GSS: variants seen among roughly 807,000 people sequenced by gnomAD.
GSS encodes the protein GSH synthetase.
GSS carries 34 observed loss-of-function variants against 60.4 expected under a neutral mutation model. The observed-to-expected ratio is 0.56, with a 90% CI of 0.43 to 0.75. The LOEUF (loss-of-function observed/expected upper bound fraction) is 0.75. Ranked by LOEUF, GSS falls within the 30% of genes least tolerant of loss-of-function variation. The pLI, the probability that GSS is intolerant of heterozygous loss-of-function variation, is 0.00. For synonymous variants in GSS, 224 were observed against 239.0 expected, an observed-to-expected ratio of 0.94 and a Z score of 0.58; for missense variants, 499 against 595.1, an observed-to-expected ratio of 0.84 and a Z score of 1.68.
Position 34,928,555 on chromosome 20 carries a change from T to C in GSS, c.*273A>G. ...CACTGGAACCTGCTGAAAAGGCTGA[T>C]GAGGGGCTGACAGGAGTGGGGCAGG... On this transcript the variant is annotated 3_prime_UTR_variant, in exon 13 of 13. Coordinates refer to ENST00000651619, the MANE Select transcript of GSS (RefSeq NM_000178.4). 1 of 533,242 alleles carries C rather than the reference T, an allele frequency of 1.9e-6. No individual in the cohort carries two copies. The highest frequency in any genetic ancestry group is 3.4e-6 in the Non-Finnish European group (1 of 294,876). 33.0% of individuals were successfully genotyped at this position (533,242 alleles called of 1,614,324 possible).
At chr20:34,930,701 T>G (rs1415547170) in intron 11 of GSS, among the ~76,000 whole-genome samples, 1 of 152,166 alleles carries the variant, frequency 6.6e-6, no homozygotes, top group Admixed American at 6.5e-5. Flanking sequence ...GGCTTAAAAC[T>G]CCCTAATGGC....
rs1381328801 is a variant in GSS, at chr20:34,936,845, G to A, written c.690-5C>T. On this transcript the variant is annotated splice_region_variant and splice_polypyrimidine_tract_variant and intron_variant, in intron 7 of 12. Transcript: ENST00000651619. ...CGTCGGATCACATGGATGTTCCTGG[G>A]AAAAATGGGCAAGAGCCAGAGGGAA... The A allele has an allele frequency of 1.2e-6, 2 of 1,613,880 alleles. No individual in the cohort carries two copies. Among genetic ancestry groups the A allele is most frequent in the East Asian group, 4.5e-5 (2 of 44,884 alleles).
In GSS at chr20:34,935,589, T is replaced by C; in HGVS notation, c.821A>G (p.Gln274Arg). ...VYFRDGYMPR[Q>R]YSLQNWEARL... The stretch of plus-strand genomic sequence containing the variant: ...GAAAATACCAACCTGTAGACTGTAC[T>C]GACGAGGCATGTAGCCATCCCGGAA... Residue 274 changes from glutamine to arginine, a missense_variant, in exon 9 of 13, where the codon CAG becomes CGG. Physicochemically the swap from Gln to Arg is conservative, Grantham distance 43. Transcript: ENST00000651619. 1 of 1,612,444 alleles carries C rather than the reference T, an allele frequency of 6.2e-7. No homozygotes were observed. The highest frequency in any genetic ancestry group is 1.1e-5 in the South Asian group (1 of 91,056).
At chr20:34,937,171 C>T (rs1193002755) in intron 6 of GSS, 148 bp from the exon 7 acceptor site, 1 of 684,722 alleles carries the variant, frequency 1.5e-6, no homozygotes. Context: ...TCTCAGGAAC[C>T]TTGAGATTAC....
chr20:34,940,654 T>C (rs1272648257), intron 6 of GSS, among the ~76,000 whole-genome samples: 1 of 152,220 alleles, frequency 6.6e-6, no homozygotes, highest in Non-Finnish European at 1.5e-5. Context: ...AATGAGATCC[T>C]GTATGTACAG....
chr20:34,938,693 A>C (rs1468628884), intron 6 of GSS, among the ~76,000 whole-genome samples: 3 of 152,220 alleles, frequency 2.0e-5, no homozygotes, highest in Admixed American at 6.5e-5. Flanking sequence ...TAATTAAGTC[A>C]GCCTGCCAAC....
intron 6 of GSS, among the ~76,000 whole-genome samples, chr20:34,938,675 G>A (rs541074414): frequency 6.6e-6 from 1 of 152,320 alleles, no homozygotes; most frequent in South Asian, 2.1e-4. Flanking sequence ...GGAACTGCAC[G>A]CCCCAGCTAA....
intron 6 of GSS, 67 bp from the exon 7 acceptor site, chr20:34,937,090 AC>A: frequency 1.9e-6 from 2 of 1,054,120 alleles, no homozygotes; most frequent in African/African-American, 1.6e-5. Context: ...TCTCCCCTCA[AC>A]CCCCATACCG....
intron 1 of GSS, among the ~76,000 whole-genome samples, chr20:34,953,047 A>G (rs897615436): frequency 3.3e-5 from 5 of 152,238 alleles, no homozygotes; most frequent in East Asian, 1.9e-4. Context: ...CAAGTGTCCA[A>G]TGTAATAGGA....
In GSS at chr20:34,942,810, G is replaced by A. The variant is rs2081494753; in HGVS notation, c.351+121C>T. The A allele has an allele frequency of 1.1e-5, 10 of 910,544 alleles. No homozygotes were observed. The South Asian group carries it at 1.3e-4, about 11-fold the overall frequency. 56.4% of individuals were successfully genotyped at this position (910,544 alleles called of 1,614,324 possible). ...TGGTCACTGGGATAAACCCAGTGAGGACCAGTGAGAGGCAGATTCCCATGA... is the reference window on the plus strand; with the variant it reads ...TGGTCACTGGGATAAACCCAGTGAGAACCAGTGAGAGGCAGATTCCCATGA... On this transcript the variant is annotated intron_variant, in intron 4 of 12. Transcript: ENST00000651619.
intron 6 of GSS, among the ~76,000 whole-genome samples, chr20:34,938,672 C>G (rs1405773613): frequency 6.6e-6 from 1 of 152,212 alleles, no homozygotes; most frequent in Admixed American, 6.5e-5. Flanking sequence ...AGAGGAACTG[C>G]ACGCCCCAGC....
chr20:34,942,632 G>A lies in GSS; in HGVS notation c.352-5C>T, dbSNP rs368142457. ...ATTCAGGCCCAGGAACACAGTCTGTGGGGAAAACTGAAGGCTGACAGTACC... is the reference window on the plus strand; with the variant it reads ...ATTCAGGCCCAGGAACACAGTCTGTAGGGAAAACTGAAGGCTGACAGTACC... On this transcript the variant is annotated splice_region_variant and splice_polypyrimidine_tract_variant and intron_variant, in intron 4 of 12. Coordinates refer to ENST00000651619, the MANE Select transcript of GSS (RefSeq NM_000178.4). 3 of 1,613,832 alleles carry A rather than the reference G, an allele frequency of 1.9e-6. No homozygotes were observed. Among genetic ancestry groups the A allele is most frequent in the African/African-American group, 2.7e-5 (2 of 74,908 alleles).
rs759380269 is a variant in GSS, at chr20:34,951,781, GTCCACGGCCTGCCGTGCCAGC to G, written c.51_71del (p.Glu17_Val23del). The G allele has an allele frequency of 1.2e-6, 2 of 1,613,830 alleles. No individual in the cohort carries two copies. The highest frequency in any genetic ancestry group is 2.7e-5 in the African/African-American group (2 of 74,920). ...GCAATACTCCCTCAGCCAGGGCCCGGTCCACGGCCTGCCGTGCCAGCTCCTCTAGCTGCTGTTTATCCTGCA... is the reference window on the plus strand; with the variant it reads ...GCAATACTCCCTCAGCCAGGGCCCGGTCCTCTAGCTGCTGTTTATCCTGCA... On this transcript the variant is annotated inframe_deletion, in exon 2 of 13. Transcript: ENST00000651619.
chr20:34,936,460 A>AG (rs1383681135), intron 8 of GSS, among the ~76,000 whole-genome samples: 2 of 152,172 alleles, frequency 1.3e-5, no homozygotes, highest in African/African-American at 4.8e-5. Flanking sequence ...CTGACTGCCC[A>AG]GCTCAGCTTC....
intron 2 of GSS, among the ~76,000 whole-genome samples, chr20:34,948,536 A>C (rs955241639): frequency 5.3e-5 from 8 of 152,208 alleles, no homozygotes; most frequent in Non-Finnish European, 1.0e-4. Flanking sequence ...CTGTAATCCC[A>C]GCACTTTGGG....
chr20:34,937,960 C>T (rs1024880748), intron 6 of GSS, among the ~76,000 whole-genome samples: 4 of 152,164 alleles, frequency 2.6e-5, no homozygotes, highest in Non-Finnish European at 5.9e-5. Flanking sequence ...TGGGTTCCAG[C>T]GATTCTCCTG....
intron 2 of GSS, among the ~76,000 whole-genome samples, chr20:34,946,993 A>C (rs1406206308): frequency 6.6e-6 from 1 of 152,222 alleles, no homozygotes; most frequent in African/African-American, 2.4e-5. Context: ...ATTATAAAGC[A>C]TTCCTGAGTT....
chr20:34,949,243 C>T (rs182826713), intron 2 of GSS, among the ~76,000 whole-genome samples: 5 of 152,258 alleles, frequency 3.3e-5, no homozygotes, highest in Admixed American at 2.6e-4. Context: ...ACTCCCCAAA[C>T]ACTGCAGGAG....
intron 6 of GSS, 27 bp from the exon 7 acceptor site, chr20:34,937,050 G>T (rs2081446708): frequency 6.5e-7 from 1 of 1,541,568 alleles, no homozygotes; most frequent in Non-Finnish European, 9.0e-7. Flanking sequence ...GGTGGCCCGA[G>T]GCTACTATAG....
Sources: gnomAD v4.1 joint callset for allele counts (sites outside exome capture counted in the v4.1 genomes callset) on GRCh38, gnomAD v4.1.1 for gene constraint, MANE v1.5 for transcripts, NCBI Gene and HGNC (gene_info 2026-07-23, HGNC 2026-07-21) for gene names.